Variants in ARHGAP32 observed in about 807,000 individuals in gnomAD.
The protein encoded by ARHGAP32 is Rho GTPase activating protein 32.
ARHGAP32 carries 51 observed loss-of-function variants against 186.5 expected under a neutral mutation model. The ratio of observed to expected loss-of-function variants is 0.27; its 90% confidence interval spans 0.22 to 0.35. The LOEUF is 0.35. Ranked by LOEUF, ARHGAP32 falls within the 10% of genes least tolerant of loss-of-function variation. The pLI is 1.00. For synonymous variants in ARHGAP32, 950 were observed against 964.3 expected (o/e 0.99, Z 0.27); for missense variants, 2,186 against 2,623.5 (o/e 0.83, Z 3.64).
chr11:129,116,931 T>C (rs539856469), intron 5 of ARHGAP32, among the ~76,000 whole-genome samples: 1 of 152,178 alleles, frequency 6.6e-6, no homozygotes, highest in South Asian at 2.1e-4. Flanking sequence ...CCCATAATAC[T>C]TTATGATATA....
chr11:129,152,681 C>T (rs901278814), intron 2 of ARHGAP32, among the ~76,000 whole-genome samples: 9 of 152,068 alleles, frequency 5.9e-5, no homozygotes, highest in African/African-American at 2.2e-4. Flanking sequence ...TGACAAAATC[C>T]AGTATCCCTT....
chr11:129,070,861 C>A (rs1428635957), intron 6 of ARHGAP32, among the ~76,000 whole-genome samples: 2 of 151,934 alleles, frequency 1.3e-5, no homozygotes, highest in African/African-American at 4.8e-5. Context: ...TATCTTCTTT[C>A]ATTTGCCTTT....
chr11:129,071,624 T>C (rs1223527245), intron 6 of ARHGAP32, among the ~76,000 whole-genome samples: 2 of 152,114 alleles, frequency 1.3e-5, no homozygotes, highest in East Asian at 3.8e-4. Context: ...GAAATATAAA[T>C]TGGTACAGCC....
At chr11:129,183,245 C>T (rs989624182) in intron 1 of ARHGAP32, among the ~76,000 whole-genome samples, 2 of 152,090 alleles carry the variant, frequency 1.3e-5, no homozygotes, top group Non-Finnish European at 2.9e-5. Context: ...TAAGACTTCA[C>T]AATACAACAT....
At chr11:129,163,718 G>A (rs1419620177) in intron 2 of ARHGAP32, among the ~76,000 whole-genome samples, 2 of 152,090 alleles carry the variant, frequency 1.3e-5, no homozygotes, top group East Asian at 1.9e-4. Flanking sequence ...ACAGTAACCT[G>A]AGACTTCTTT....
At chr11:129,067,408 T>C (rs796091517) in intron 6 of ARHGAP32, among the ~76,000 whole-genome samples, 8 of 152,188 alleles carry the variant, frequency 5.3e-5, no homozygotes, top group African/African-American at 1.9e-4. Flanking sequence ...TCTCACAAGC[T>C]CATTTTTTAA....
intron 1 of ARHGAP32, among the ~76,000 whole-genome samples, chr11:129,204,640 C>G (rs1477702814): frequency 6.6e-6 from 1 of 152,164 alleles, no homozygotes; most frequent in Admixed American, 6.5e-5. Context: ...TGCTACTTAT[C>G]TTATTCTGAC....
chr11:129,031,828 G>A (rs536255315), intron 11 of ARHGAP32, among the ~76,000 whole-genome samples: 1 of 152,200 alleles, frequency 6.6e-6, no homozygotes, highest in Non-Finnish European at 1.5e-5. Flanking sequence ...AAAAACCCCA[G>A]GCCCTGCCAG....
Position 129,233,318 on chromosome 11 carries a change from TAG to T in ARHGAP32, c.-5+45826_-5+45827del, listed in dbSNP as rs1944883882. 2.0e-5 allele frequency among the ~76,000 whole-genome samples: 3 copies of T among 152,184 alleles called. No individual in the cohort carries two copies. The East Asian group carries it at 5.8e-4, about 29-fold the overall frequency. Reference sequence around the variant, plus strand: ...CTTCTGAAACTAAGTGGGGGGTACATAGGAGTTTATTATATTCTACATTTACT... The same window carrying T: ...CTTCTGAAACTAAGTGGGGGGTACATGAGTTTATTATATTCTACATTTACT... On this transcript the variant is annotated intron_variant, in intron 1 of 6. Coordinates refer to the ARHGAP32 transcript ENST00000525234.
chr11:128,978,722 G>A (rs748219214), intron 19 of ARHGAP32, 48 bp downstream of exon 19: 10 of 1,558,262 alleles, frequency 6.4e-6, no homozygotes, highest in Middle Eastern at 1.7e-4. Flanking sequence ...CAGAACAACC[G>A]AAGACCATCA....
chr11:129,041,467 T>C (rs916132153), intron 10 of ARHGAP32, among the ~76,000 whole-genome samples: 11 of 149,880 alleles, frequency 7.3e-5, no homozygotes, highest in Non-Finnish European at 1.3e-4. Flanking sequence ...TTGTGAATTT[T>C]CTCTTCACTC....
At chr11:129,190,095 A>G (rs1022942677) in intron 1 of ARHGAP32, among the ~76,000 whole-genome samples, 2 of 152,254 alleles carry the variant, frequency 1.3e-5, no homozygotes, top group African/African-American at 4.8e-5. Context: ...ATAAAAACAC[A>G]GTAAGACATT....
At chr11:129,048,498 CCAAA>C (rs1660003240) in intron 10 of ARHGAP32, among the ~76,000 whole-genome samples, 1 of 150,898 alleles carries the variant, frequency 6.6e-6, no homozygotes, top group African/African-American at 2.4e-5. Flanking sequence ...TTTCATTAAG[CCAAA>C]CAGAGACCAC....
At chr11:129,102,755 G>A (rs915426052) in intron 5 of ARHGAP32, among the ~76,000 whole-genome samples, 13 of 152,246 alleles carry the variant, frequency 8.5e-5, no homozygotes, top group African/African-American at 2.4e-4. Flanking sequence ...CTTGTACATT[G>A]TTGGTGGTAT....
At chr11:129,016,468 A>G (rs1221462464) in intron 11 of ARHGAP32, among the ~76,000 whole-genome samples, 2 of 152,118 alleles carry the variant, frequency 1.3e-5, no homozygotes, top group Admixed American at 6.5e-5. Context: ...ACTTTTTTCC[A>G]TATGTATAAT....
At chr11:128,986,180 T>C in intron 14 of ARHGAP32, 95 bp from the exon 15 acceptor site, 1 of 964,038 alleles carries the variant, frequency 1.0e-6, no homozygotes, top group Non-Finnish European at 1.6e-6. Flanking sequence ...ATCAACTTGC[T>C]TTGCTCTTGG....
At chr11:128,971,270 T>C in intron 22 of ARHGAP32, 111 bp from the exon 23 acceptor site, 4 of 888,744 alleles carry the variant, frequency 4.5e-6, no homozygotes, top group African/African-American at 1.7e-5. Context: ...GCTTGAACTT[T>C]CCCAAGCCAT....
rs1421727573 is a variant in ARHGAP32, at chr11:128,968,862, T to C, written c.*45A>G. The C allele has an allele frequency of 2.2e-6, 3 of 1,348,210 alleles. No homozygotes were observed. The highest frequency in any genetic ancestry group is 1.5e-5 in the African/African-American group (1 of 68,596). 83.5% of individuals were successfully genotyped at this position (1,348,210 alleles called of 1,614,324 possible). A position where few individuals can be genotyped will look rare whatever the true frequency, so the allele number is the denominator to read the frequency against. The stretch of plus-strand genomic sequence containing the variant: ...TTGGTTATTGAAAAAAATAGAACAG[T>C]CCACTGTCCAGCAGAGGCTGCTTCA... On this transcript the variant is annotated 3_prime_UTR_variant, in exon 23 of 23. Coordinates refer to ENST00000682385, the MANE Select transcript of ARHGAP32 (RefSeq NM_001378024.1).
rs142850285 is a variant in ARHGAP32, at chr11:128,970,733, C to T, written c.4480G>A (p.Asp1494Asn). Residue 1494 changes from aspartate to asparagine, a missense_variant, in exon 23 of 23, where the codon GAT (aspartate) becomes AAT (asparagine). This residue lies in a region of ARHGAP32 where 1,502 missense variants were observed against 1,570.0 expected (regional missense o/e 0.96). Coordinates refer to ENST00000682385, the MANE Select transcript of ARHGAP32 (RefSeq NM_001378024.1). This position sits in a 1 kb window ranked among gnomAD's most constrained non-coding sequence, Gnocchi z 5.8. ...GGACCAAAGGGTTCAGTGGTGACAT[C>T]GGGCCTAGCAAAGGAGGAGTAAACT... is the stretch of plus-strand genomic sequence containing the variant. ...KTVYSSFARP[D>N]VTTEPFGPDN... The T allele has an allele frequency of 1.6e-4, 260 of 1,614,114 alleles. 1 individual carries two copies. In the African/African-American group the frequency reaches 3.1e-3, roughly 19 times the overall value.
Sources: gnomAD v4.1 joint callset for allele counts (sites outside exome capture counted in the v4.1 genomes callset) on GRCh38, gnomAD v4.1.1 for gene constraint, gnomAD v4.1.1 regional missense constraint, Gnocchi (gnomAD v3.1) non-coding constraint, MANE v1.5 for transcripts, NCBI Gene and HGNC (gene_info 2026-07-23, HGNC 2026-07-21) for gene names.